The following ACAP2 variants were observed in gnomAD, a reference collection of about 807,000 sequenced individuals.
The protein encoded by ACAP2 is ArfGAP with coiled-coil, ankyrin repeat and PH domains 2, also known as arf-GAP with coiled-coil, ANK repeat and PH domain-containing protein 2.
In ACAP2, 39 loss-of-function variants were observed where a neutral mutation model predicts 115.8. The observed-to-expected ratio is 0.34, with a 90% confidence interval of 0.26 to 0.44. The LOEUF is 0.44. Ranked by LOEUF, ACAP2 falls within the 20% of genes least tolerant of loss-of-function variation. The pLI is 1.00. For synonymous variants in ACAP2, 289 were observed against 315.8 expected, an observed-to-expected ratio of 0.92 and a Z score of 0.90; for missense variants, 662 against 927.6, an observed-to-expected ratio of 0.71 and a Z score of 3.72.
chr3:195,382,040 A>G lies in ACAP2; in HGVS notation c.112-18T>C. 1 of 1,601,084 alleles carries G rather than the reference A, an allele frequency of 6.2e-7. No homozygotes were observed. Among genetic ancestry groups the G allele is most frequent in the Non-Finnish European group, 8.5e-7 (1 of 1,175,544 alleles). ...TTCACAAGCTGAAAAAGAAAAAAAA[A>G]ATTCATCAGGTTGAAGATAGTTTTA... is the stretch of plus-strand genomic sequence containing the variant. On this transcript the variant is annotated intron_variant, in intron 2 of 22. Coordinates refer to ENST00000326793, the MANE Select transcript of ACAP2 (RefSeq NM_012287.6).
chr3:195,357,423 G>A (rs184622346), intron 4 of ACAP2, among the ~76,000 whole-genome samples: 12 of 152,298 alleles, frequency 7.9e-5, no homozygotes, highest in Non-Finnish European at 1.5e-4. Context: ...AAATACACAA[G>A]AATGACTAGC....
chr3:195,362,506 A>G (rs569104499), intron 4 of ACAP2, among the ~76,000 whole-genome samples: 11 of 152,184 alleles, frequency 7.2e-5, no homozygotes, highest in Middle Eastern at 3.4e-3. Flanking sequence ...TACCAAAATC[A>G]GACAGAGATG....
chr3:195,342,375 G>A, intron 6 of ACAP2, 96 bp downstream of exon 6: 1 of 1,221,202 alleles, frequency 8.2e-7, no homozygotes, highest in East Asian at 2.6e-5. Flanking sequence ...TAAGTTCAGA[G>A]TAAAAGTATT....
chr3:195,432,575 C>T lies in ACAP2; in HGVS notation c.53+10220G>A, dbSNP rs544861067. Among the ~76,000 whole-genome samples the T allele has an allele frequency of 3.9e-4, 59 of 152,296 alleles. No homozygotes were observed. The Middle Eastern group carries it at 0.017, about 44-fold the overall frequency. ...GTCTATCCTTATGCCAGTACTACAC[C>T]GTCTTCATTACAATCACTTTGTAGT... On this transcript the variant is annotated intron_variant, in intron 1 of 22. Transcript: ENST00000326793.
At chr3:195,425,258 G>A (rs944548673) in intron 1 of ACAP2, among the ~76,000 whole-genome samples, 2 of 152,036 alleles carry the variant, frequency 1.3e-5, no homozygotes, top group Admixed American at 6.6e-5. Flanking sequence ...AAGACTTAAC[G>A]ATTCTGGACT....
intron 22 of ACAP2, chr3:195,282,669 C>T (rs146639005): frequency 6.6e-6 from 1 of 152,290 alleles, no homozygotes; most frequent in Non-Finnish European, 1.5e-5. Flanking sequence ...GGAATGTTCC[C>T]AGAAATACAT....
At chr3:195,322,887 T>C (rs1729540356) in intron 9 of ACAP2, among the ~76,000 whole-genome samples, 1 of 152,236 alleles carries the variant, frequency 6.6e-6, no homozygotes, top group African/African-American at 2.4e-5. Flanking sequence ...GCTAATATTT[T>C]GTAGTACTTA....
At chr3:195,372,987 CA>C (rs869134113) in intron 4 of ACAP2, among the ~76,000 whole-genome samples, 283 of 17,770 alleles carry the variant, frequency 0.016, no homozygotes, top group African/African-American at 0.046. Flanking sequence ...GACTCCATCT[CA>C]AAAAAAAAAA....
intron 10 of ACAP2, among the ~76,000 whole-genome samples, chr3:195,317,612 A>G (rs1729182836): frequency 6.6e-6 from 1 of 152,184 alleles, no homozygotes; most frequent in Admixed American, 6.5e-5. Flanking sequence ...TCATTTTAGT[A>G]TATTACTACA....
At chr3:195,299,459 T>C (rs6795263) in intron 15 of ACAP2, among the ~76,000 whole-genome samples, 123,865 of 149,750 alleles carry the variant, frequency 0.83, 51,460 homozygotes, top group East Asian at 0.94. Context: ...ACAAGAATTG[T>C]TCCAACCCAG....
At chr3:195,359,415 G>A (rs895309375) in intron 4 of ACAP2, among the ~76,000 whole-genome samples, 5 of 152,194 alleles carry the variant, frequency 3.3e-5, no homozygotes, top group African/African-American at 1.2e-4. Flanking sequence ...ATATACACAG[G>A]GAAACAGTAA....
chr3:195,318,753 C>T (rs899290593), intron 10 of ACAP2, among the ~76,000 whole-genome samples: 1 of 152,204 alleles, frequency 6.6e-6, no homozygotes, highest in African/African-American at 2.4e-5. Context: ...CAGAGCATAA[C>T]AGTTTGGAAA....
Position 195,289,154 on chromosome 3 carries a change from G to A in ACAP2, c.2141C>T (p.Ala714Val). 6.2e-7 allele frequency: 1 copy of A among 1,613,082 alleles called. No homozygotes were observed. Residue 714 changes from alanine (A) to valine (V), a missense_variant, in exon 21 of 23, where the codon GCT (alanine) becomes GTT (valine). Around this residue, in one of 3 missense-constraint regions of ACAP2, gnomAD observed 128 missense variants for 200.2 expected, o/e 0.64. Coordinates refer to ENST00000326793, the MANE Select transcript of ACAP2 (RefSeq NM_012287.6). ...DEEGKDPLSI[A>V]VEAANADIVT... is the part of the protein sequence containing the mutation. Reference sequence around the variant, plus strand: ...TATATCAGCATTGGCTGCTTCCACAGCTATGCTCAAAGGGTCTTTCCCTTC... The same window carrying A: ...TATATCAGCATTGGCTGCTTCCACAACTATGCTCAAAGGGTCTTTCCCTTC...
intron 1 of ACAP2, among the ~76,000 whole-genome samples, chr3:195,398,132 A>G (rs992077568): frequency 4.6e-5 from 7 of 152,186 alleles, no homozygotes; most frequent in African/African-American, 1.7e-4. Flanking sequence ...AGGACTACAT[A>G]TATATGACAT....
chr3:195,396,170 G>A (rs1213933960), intron 1 of ACAP2, among the ~76,000 whole-genome samples: 1 of 151,960 alleles, frequency 6.6e-6, no homozygotes, highest in Non-Finnish European at 1.5e-5. Context: ...AGAATCACTT[G>A]AACCCAGGAG....
intron 4 of ACAP2, among the ~76,000 whole-genome samples, chr3:195,366,296 A>G (rs1308480246): frequency 1.3e-5 from 2 of 152,240 alleles, no homozygotes; most frequent in South Asian, 2.1e-4. Context: ...GGCTGCTTCT[A>G]TATTTTTAGG....
intron 9 of ACAP2, among the ~76,000 whole-genome samples, chr3:195,322,678 G>T (rs1043692909): frequency 6.6e-6 from 1 of 152,088 alleles, no homozygotes; most frequent in African/African-American, 2.4e-5. Context: ...TATACAGAGA[G>T]AATTAAGGAA....
intron 1 of ACAP2, among the ~76,000 whole-genome samples, chr3:195,402,648 C>T (rs1372332683): frequency 1.3e-5 from 2 of 152,054 alleles, no homozygotes; most frequent in Non-Finnish European, 2.9e-5. Flanking sequence ...AGGAGGTATT[C>T]GCTCTACCAC....
At chr3:195,351,352 AGTGATCCGCCC>A (rs1424807348) in intron 4 of ACAP2, among the ~76,000 whole-genome samples, 1 of 151,944 alleles carries the variant, frequency 6.6e-6, no homozygotes, top group Non-Finnish European at 1.5e-5. Context: ...CCTGACCTCA[AGTGATCCGCCC>A]GCCTCAGCCT....
Sources: gnomAD v4.1 joint callset for allele counts (sites outside exome capture counted in the v4.1 genomes callset) on GRCh38, gnomAD v4.1.1 for gene constraint, gnomAD v4.1.1 regional missense constraint, MANE v1.5 for transcripts, NCBI Gene and HGNC (gene_info 2026-07-23, HGNC 2026-07-21) for gene names.